The following PLCL1 variants were observed in gnomAD, a reference collection of about 807,000 sequenced individuals.
The protein encoded by PLCL1 is phospholipase C like 1 (inactive).
Under a neutral mutation model 84.4 loss-of-function variants are expected in PLCL1, and 41 were observed. The ratio of observed to expected loss-of-function variants is 0.49; its 90% confidence interval spans 0.38 to 0.63. The LOEUF (loss-of-function observed/expected upper bound fraction) is 0.63. Ranked by LOEUF, PLCL1 falls within the 30% of genes least tolerant of loss-of-function variation. PLCL1 has a pLI of 0.00. For synonymous variants in PLCL1, 490 were observed against 488.3 expected (o/e 1.00, Z -0.05); for missense variants, 1,206 against 1,367.8 (o/e 0.88, Z 1.87).
chr2:197,837,660 C>A (rs1226168161), intron 1 of PLCL1, among the ~76,000 whole-genome samples: 1 of 152,056 alleles, frequency 6.6e-6, no homozygotes, highest in Non-Finnish European at 1.5e-5. Context: ...TGGCGGGTGA[C>A]CCACTGAATC....
intron 1 of PLCL1, among the ~76,000 whole-genome samples, chr2:197,809,091 T>A (rs754368290): frequency 7.9e-5 from 12 of 152,224 alleles, no homozygotes; most frequent in Non-Finnish European, 1.5e-4. Flanking sequence ...GCCTTAAAGG[T>A]GCCCCTTGGG....
At chr2:198,041,477 A>C (rs1691662483) in intron 1 of PLCL1, among the ~76,000 whole-genome samples, 1 of 152,166 alleles carries the variant, frequency 6.6e-6, no homozygotes, top group African/African-American at 2.4e-5. Context: ...TTCAGTCAGT[A>C]ATTTACTAAG....
At chr2:198,135,955 G>C (rs950405009) in intron 5 of PLCL1, among the ~76,000 whole-genome samples, 2 of 152,250 alleles carry the variant, frequency 1.3e-5, no homozygotes, top group Non-Finnish European at 2.9e-5. Flanking sequence ...GCTTTTGAGA[G>C]GGGAGGATGA....
intron 1 of PLCL1, among the ~76,000 whole-genome samples, chr2:197,884,882 T>TA (rs562511402): frequency 9.8e-4 from 143 of 146,206 alleles, no homozygotes; most frequent in African/African-American, 2.2e-3. Flanking sequence ...AATGATTTCC[T>TA]AAAAAAAAAA....
At chr2:197,876,601 A>T (rs1687736613) in intron 1 of PLCL1, among the ~76,000 whole-genome samples, 1 of 152,134 alleles carries the variant, frequency 6.6e-6, no homozygotes, top group East Asian at 1.9e-4. Context: ...TCCAGGGTCC[A>T]GTTGCATAAT....
At chr2:197,968,932 A>T (rs1016539301) in intron 1 of PLCL1, among the ~76,000 whole-genome samples, 1 of 152,220 alleles carries the variant, frequency 6.6e-6, no homozygotes, top group Middle Eastern at 3.2e-3. Context: ...CCCAACCCCC[A>T]GACCACGGTC....
intron 1 of PLCL1, among the ~76,000 whole-genome samples, chr2:197,927,054 C>T (rs1688845720): frequency 6.6e-6 from 1 of 152,194 alleles, no homozygotes; most frequent in Non-Finnish European, 1.5e-5. Context: ...AGAGTGAGTG[C>T]TCAAAGAAGT....
chr2:197,930,480 A>G (rs4850817), intron 1 of PLCL1, among the ~76,000 whole-genome samples: 82,886 of 152,066 alleles, frequency 0.55, 22,893 homozygotes, highest in East Asian at 0.77. Flanking sequence ...GTGAAAACTA[A>G]GGGGCTAAAA....
At chr2:198,119,084 A>T (rs1234842511) in intron 5 of PLCL1, among the ~76,000 whole-genome samples, 2 of 151,982 alleles carry the variant, frequency 1.3e-5, no homozygotes, top group African/African-American at 4.8e-5. Context: ...GTCAATTGTA[A>T]CTCAGCTAGA....
At chr2:198,052,918 C>T (rs1288260786) in intron 1 of PLCL1, among the ~76,000 whole-genome samples, 2 of 152,194 alleles carry the variant, frequency 1.3e-5, no homozygotes, top group Non-Finnish European at 2.9e-5. Flanking sequence ...GTTATAGTCT[C>T]TGCTTATTAT....
intron 1 of PLCL1, among the ~76,000 whole-genome samples, chr2:197,995,807 T>C (rs1690450431): frequency 6.6e-6 from 1 of 152,204 alleles, no homozygotes; most frequent in Non-Finnish European, 1.5e-5. Flanking sequence ...TCTGCTTCTT[T>C]GTTTGGCTCT....
At chr2:197,929,153 C>T (rs1688885265) in intron 1 of PLCL1, among the ~76,000 whole-genome samples, 1 of 152,068 alleles carries the variant, frequency 6.6e-6, no homozygotes, top group Non-Finnish European at 1.5e-5. Context: ...CTCATTAATG[C>T]CATAGTGACA....
chr2:198,042,404 G>A (rs1459362154), intron 1 of PLCL1, among the ~76,000 whole-genome samples: 1 of 152,194 alleles, frequency 6.6e-6, no homozygotes, highest in Non-Finnish European at 1.5e-5. Context: ...ATCTGCAATA[G>A]CACACCAGCT....
chr2:197,821,474 G>A (rs1690814262), intron 1 of PLCL1, among the ~76,000 whole-genome samples: 1 of 152,150 alleles, frequency 6.6e-6, no homozygotes, highest in Admixed American at 6.6e-5. Context: ...TACAAATCAG[G>A]TAGGTGTCTC....
intron 1 of PLCL1, among the ~76,000 whole-genome samples, chr2:198,000,812 T>A (rs549608711): frequency 9.2e-5 from 14 of 152,164 alleles, no homozygotes; most frequent in Non-Finnish European, 1.9e-4. Flanking sequence ...AGGTCCATAT[T>A]TCTGAGTTCT....
intron 1 of PLCL1, among the ~76,000 whole-genome samples, chr2:197,806,579 T>C (rs1252828680): frequency 1.3e-5 from 2 of 152,238 alleles, no homozygotes; most frequent in African/African-American, 4.8e-5. Flanking sequence ...AAATGGCTTG[T>C]AGTAGTTTCT....
intron 1 of PLCL1, among the ~76,000 whole-genome samples, chr2:198,018,835 G>T (rs1691062154): frequency 6.6e-6 from 1 of 152,222 alleles, no homozygotes; most frequent in Non-Finnish European, 1.5e-5. Context: ...CTGCCTAACG[G>T]CTCTAAAGAG....
In PLCL1 at chr2:198,084,379, C is replaced by G. The variant is rs541154628; in HGVS notation, c.862C>G (p.Gln288Glu). 1.9e-6 allele frequency: 3 copies of G among 1,614,070 alleles called. No individual in the cohort carries two copies. In the East Asian group the frequency reaches 6.7e-5, roughly 36 times the overall value. The change falls in exon 2 of 6, where the codon CAG becomes GAG. Residue 288 changes from glutamine (Q) to glutamate (E), a missense_variant. Gln to Glu is a conservative substitution (Grantham distance 29). Coordinates refer to ENST00000428675, the MANE Select transcript of PLCL1 (RefSeq NM_006226.4). ...GATCAGGTTAAAGTTTAAAGAAATC[C>G]AGAAGAGCAAGGAAAAACTAACCAC... ...AKIRLKFKEIQKSKEKLTTRV... is the reference protein window; with the variant it reads ...AKIRLKFKEIEKSKEKLTTRV...
At chr2:197,989,972 A>G (rs527693167) in intron 1 of PLCL1, among the ~76,000 whole-genome samples, 1 of 152,332 alleles carries the variant, frequency 6.6e-6, no homozygotes, top group South Asian at 2.1e-4. Flanking sequence ...GTAATAGATT[A>G]CAGTTGGAGA....
Sources: gnomAD v4.1 joint callset for allele counts (sites outside exome capture counted in the v4.1 genomes callset) on GRCh38, gnomAD v4.1.1 for gene constraint, MANE v1.5 for transcripts, NCBI Gene and HGNC (gene_info 2026-07-23, HGNC 2026-07-21) for gene names.